The following TBC1D4 variants were observed in gnomAD, a reference collection of about 807,000 sequenced individuals.
The protein encoded by TBC1D4 is TBC (Tre-2, BUB2, CDC16) domain-containing protein.
A neutral mutation model predicts 142.5 loss-of-function variants in TBC1D4; 121 were observed. The observed-to-expected ratio is 0.85, with a 90% CI of 0.73 to 0.99. TBC1D4 has a LOEUF of 0.99. TBC1D4 is among the 50% of genes least tolerant of loss of function. The pLI is 0.00. For missense variants in TBC1D4, 1,475 were observed against 1,606.6 expected (o/e 0.92, Z 1.40); for synonymous variants, 630 against 628.2 (o/e 1.00, Z -0.04).
chr13:75,422,753 A>C (rs904084560), intron 1 of TBC1D4, among the ~76,000 whole-genome samples: 4 of 152,190 alleles, frequency 2.6e-5, no homozygotes, highest in African/African-American at 9.7e-5. Context: ...TGAGGGGGAA[A>C]TAATATTCCT....
At chr13:75,377,704 A>T (rs560565335) in intron 1 of TBC1D4, among the ~76,000 whole-genome samples, 61 of 86,692 alleles carry the variant, frequency 7.0e-4, no homozygotes, top group African/African-American at 2.3e-3. Context: ...AATATATATT[A>T]TATATATATA....
chr13:75,335,242 G>C (rs917561901), intron 8 of TBC1D4, among the ~76,000 whole-genome samples: 2 of 152,002 alleles, frequency 1.3e-5, no homozygotes, highest in Non-Finnish European at 2.9e-5. Context: ...ACCCTGCATC[G>C]GGCCATCCCC....
chr13:75,448,448 A>T (rs187008009), intron 1 of TBC1D4, among the ~76,000 whole-genome samples: 4 of 151,980 alleles, frequency 2.6e-5, no homozygotes, highest in East Asian at 3.9e-4. Context: ...GCATCCTGTA[A>T]TCCCAGCTAC....
At chr13:75,418,328 TG>T (rs1408157643) in intron 1 of TBC1D4, among the ~76,000 whole-genome samples, 1 of 152,100 alleles carries the variant, frequency 6.6e-6, no homozygotes, top group African/African-American at 2.4e-5. Flanking sequence ...CCTGTTTAAA[TG>T]AGAATCCAGA....
intron 3 of TBC1D4, among the ~76,000 whole-genome samples, chr13:75,358,067 G>A (rs763045426): frequency 2.0e-5 from 3 of 151,988 alleles, no homozygotes; most frequent in African/African-American, 7.3e-5. Flanking sequence ...TGAGGAGTGT[G>A]GGGTGGGAGG....
chr13:75,361,005 C>G (rs1478823129), intron 2 of TBC1D4, among the ~76,000 whole-genome samples: 2 of 152,138 alleles, frequency 1.3e-5, no homozygotes, highest in East Asian at 3.8e-4. Flanking sequence ...TTTCTTTCCC[C>G]CCAAGGAAAC....
At position 75,340,870 on chromosome 13, in the gene TBC1D4, C is replaced by T. The variant is rs555393789; in HGVS notation, c.1611+255G>A. Among the ~76,000 whole-genome samples the T allele has an allele frequency of 3.3e-5, 5 of 152,144 alleles. No individual in the cohort carries two copies. In the East Asian group the frequency reaches 9.7e-4, roughly 29 times the overall value. On this transcript the variant is annotated intron_variant, in intron 7 of 20. Coordinates refer to ENST00000377636, the MANE Select transcript of TBC1D4 (RefSeq NM_014832.5). ...CTGAGGCAGAAGAATCGCTTGAACCCGGGAGGCGGAGGTTGCAGTGAGCCA... is the reference window on the plus strand; with the variant it reads ...CTGAGGCAGAAGAATCGCTTGAACCTGGGAGGCGGAGGTTGCAGTGAGCCA...
chr13:75,458,500 G>A (rs112738795), intron 1 of TBC1D4, among the ~76,000 whole-genome samples: 1 of 152,304 alleles, frequency 6.6e-6, no homozygotes, highest in African/African-American at 2.4e-5. Flanking sequence ...AGGAATGCCT[G>A]TTCCCATTTA....
At chr13:75,472,009 A>T (rs1183254106) in intron 1 of TBC1D4, among the ~76,000 whole-genome samples, 1 of 151,482 alleles carries the variant, frequency 6.6e-6, no homozygotes, top group Non-Finnish European at 1.5e-5. Flanking sequence ...CAGGAGGCTG[A>T]GGCAGGAGAA....
intron 1 of TBC1D4, among the ~76,000 whole-genome samples, chr13:75,471,629 A>T (rs1276169462): frequency 1.3e-5 from 2 of 151,880 alleles, no homozygotes; most frequent in Non-Finnish European, 2.9e-5. Flanking sequence ...TCCCAGCTAC[A>T]TGGGATGCCG....
At chr13:75,463,072 C>G (rs948275205) in intron 1 of TBC1D4, among the ~76,000 whole-genome samples, 6 of 152,074 alleles carry the variant, frequency 3.9e-5, no homozygotes, top group Non-Finnish European at 4.4e-5. Context: ...GTTTAAGTGA[C>G]AGATGTTCTA....
chr13:75,397,839 G>A (rs1884874265), intron 1 of TBC1D4, among the ~76,000 whole-genome samples: 1 of 152,232 alleles, frequency 6.6e-6, no homozygotes, highest in Admixed American at 6.5e-5. Context: ...CCACTGAAAA[G>A]TGATACTATC....
rs1464308094 is a variant in TBC1D4 at position 75,284,073 on chromosome 13, C to T, written c.*2719G>A. Among the ~76,000 whole-genome samples, 1 of 152,018 alleles carries T rather than the reference C, an allele frequency of 6.6e-6. No individual in the cohort carries two copies. The highest frequency in any genetic ancestry group is 1.5e-5 in the Non-Finnish European group (1 of 68,018). ...CTACTCTCCTGAGTAGCTGAGATTA[C>T]AGATGCACACCACCACGCCTGGCTA... On this transcript the variant is annotated 3_prime_UTR_variant, in exon 21 of 21. Coordinates refer to ENST00000377636, the MANE Select transcript of TBC1D4 (RefSeq NM_014832.5).
intron 11 of TBC1D4, 124 bp downstream of exon 11, chr13:75,324,113 T>G: frequency 8.8e-7 from 1 of 1,140,398 alleles, no homozygotes; most frequent in Non-Finnish European, 1.3e-6. Context: ...TAGAAACAGA[T>G]TAGAACAAGC....
intron 14 of TBC1D4, among the ~76,000 whole-genome samples, chr13:75,309,052 G>T (rs1464805717): frequency 6.6e-6 from 1 of 152,112 alleles, no homozygotes; most frequent in Non-Finnish European, 1.5e-5. Flanking sequence ...GCAAGTGAGA[G>T]AAATATCTAA....
intron 14 of TBC1D4, among the ~76,000 whole-genome samples, chr13:75,308,655 C>T (rs1877421900): frequency 6.6e-6 from 1 of 152,112 alleles, no homozygotes. Flanking sequence ...GGATGACCAC[C>T]TTTTTTTCAA....
chr13:75,334,988 G>A (rs1247675096), intron 8 of TBC1D4, among the ~76,000 whole-genome samples: 2 of 151,714 alleles, frequency 1.3e-5, no homozygotes, highest in African/African-American at 4.8e-5. Context: ...TCTCCACAAT[G>A]GCCACTGCAC....
chr13:75,455,881 T>A (rs1887712968), intron 1 of TBC1D4, among the ~76,000 whole-genome samples: 1 of 152,154 alleles, frequency 6.6e-6, no homozygotes, highest in South Asian at 2.1e-4. Flanking sequence ...TCCTTTCTGA[T>A]ACCCTGCTTT....
At position 75,302,344 on chromosome 13, in the gene TBC1D4, A is replaced by G. The variant is rs932177107; in HGVS notation, c.2810T>C (p.Leu937Pro). The G allele has an allele frequency of 6.2e-7, 1 of 1,614,190 alleles. No homozygotes were observed. Among genetic ancestry groups the G allele is most frequent in the Non-Finnish European group, 8.5e-7 (1 of 1,180,024 alleles). Residue 937 changes from leucine (L) to proline (P), a missense_variant, in exon 16 of 21, where the codon CTC becomes CCC. Transcript: ENST00000377636. Reference protein sequence around the residue: ...IWQFLALQYRLRHRLPNKQQP... With the variant: ...IWQFLALQYRPRHRLPNKQQP... ...TTGTTTATTAGGCAATCTGTGTCTG[A>G]GTCGGTACTGTAAAGCCAGAAACTG...
Sources: allele counts gnomAD v4.1 joint callset (sites outside exome capture counted in the v4.1 genomes callset), GRCh38; gene constraint gnomAD v4.1.1; transcripts MANE v1.5; gene names NCBI Gene and HGNC (gene_info 2026-07-23, HGNC 2026-07-21).